RBM17: variants seen among roughly 807,000 people sequenced by gnomAD.
RBM17 encodes the protein RNA binding motif protein 17.
In RBM17, 7 loss-of-function variants were observed where a neutral mutation model predicts 53.2. The ratio of observed to expected loss-of-function variants is 0.13; its 90% CI spans 0.07 to 0.25. The LOEUF is 0.25. Ranked by LOEUF, RBM17 falls within the 10% of genes least tolerant of loss-of-function variation. The pLI, the probability that RBM17 is intolerant of heterozygous loss-of-function variation, is 1.00. For missense variants in RBM17, 257 were observed against 496.7 expected, an observed-to-expected ratio of 0.52 and a Z score of 4.59; for synonymous variants, 167 against 178.1, an observed-to-expected ratio of 0.94 and a Z score of 0.50.
chr10:6,104,333 T>A (rs960351954), intron 3 of RBM17, among the ~76,000 whole-genome samples: 3 of 152,022 alleles, frequency 2.0e-5, no homozygotes, highest in Non-Finnish European at 4.4e-5. Flanking sequence ...TAGTGAACCT[T>A]AAAAAAAATT....
chr10:6,102,158 T>C (rs1840678274), intron 3 of RBM17, among the ~76,000 whole-genome samples: 1 of 152,246 alleles, frequency 6.6e-6, no homozygotes, highest in Non-Finnish European at 1.5e-5. Flanking sequence ...ACTGTGGTCA[T>C]TTAAACAGCA....
At chr10:6,106,797 G>T (rs1840755120) in intron 5 of RBM17, among the ~76,000 whole-genome samples, 1 of 152,090 alleles carries the variant, frequency 6.6e-6, no homozygotes, top group African/African-American at 2.4e-5. Context: ...TTAAACACCA[G>T]CAGGAACTAG....
rs779994101 is a variant in RBM17, at chr10:6,110,056, C to G, written c.633C>G (p.Pro211=). ...AGTCTTCCAAAGCAGCCATTCCTCCCCCAGTGTACGAGGAACAAGACAGAC... is the reference window on the plus strand; with the variant it reads ...AGTCTTCCAAAGCAGCCATTCCTCCGCCAGTGTACGAGGAACAAGACAGAC... The part of the protein sequence containing the change: ...RSQSSKAAIP[P]PVYEEQDRPR... The change falls in exon 7 of 12, where the codon CCC becomes CCG. Residue 211 remains proline, a synonymous_variant. Transcript: ENST00000379888. 2 of 1,613,076 alleles carry G rather than the reference C, an allele frequency of 1.2e-6. No homozygotes were observed. Among genetic ancestry groups the G allele is most frequent in the East Asian group, 4.5e-5 (2 of 44,864 alleles).
At chr10:6,104,857 G>A (rs910185638) in intron 3 of RBM17, 74 bp from the exon 4 acceptor site, 4 of 1,301,742 alleles carry the variant, frequency 3.1e-6, no homozygotes, top group African/African-American at 2.9e-5. Context: ...TCTCCCATAC[G>A]CTTTGACCTG....
At chr10:6,111,370 C>T (rs1164087764) in intron 7 of RBM17, among the ~76,000 whole-genome samples, 2 of 152,230 alleles carry the variant, frequency 1.3e-5, no homozygotes, top group Admixed American at 1.3e-4. Context: ...GATGGAGTCT[C>T]GCTCTGTCGC....
At chr10:6,101,427 G>C in intron 3 of RBM17, 40 bp downstream of exon 3, 1 of 1,333,018 alleles carries the variant, frequency 7.5e-7, no homozygotes, top group South Asian at 1.2e-5. Flanking sequence ...ACGTGTCTCT[G>C]TTCCCATGTG....
In RBM17 at chr10:6,116,192, A is replaced by T. The variant is rs1840913593; in HGVS notation, c.*636A>T. ...AGACTGTAGGGTTTGTGATGGATTT[A>T]TGGAGTATGTGGGTATAGAAATCAT... On this transcript the variant is annotated 3_prime_UTR_variant, in exon 12 of 12. Transcript: ENST00000379888. The T allele has an allele frequency of 6.6e-6, 1 of 152,402 alleles. No individual in the cohort carries two copies. The highest frequency in any genetic ancestry group is 1.5e-5 in the Non-Finnish European group (1 of 68,060). The allele number at this position is 152,402 out of a possible 1,614,324, so 9.4% of individuals were successfully genotyped here.
intron 2 of RBM17, among the ~76,000 whole-genome samples, chr10:6,100,826 A>G (rs1337340772): frequency 6.6e-6 from 1 of 152,236 alleles, no homozygotes; most frequent in Non-Finnish European, 1.5e-5. Flanking sequence ...GTGAAGTGTC[A>G]TGATGTCTCC....
Position 6,089,602 on chromosome 10 carries a change from C to T in RBM17, c.-19+409C>T, listed in dbSNP as rs898287420. The T allele has an allele frequency of 6.6e-6, 1 of 152,628 alleles. No homozygotes were observed. Among genetic ancestry groups the T allele is most frequent in the Non-Finnish European group, 1.5e-5 (1 of 68,256 alleles). 9.5% of individuals were successfully genotyped at this position (152,628 alleles called of 1,614,324 possible). On this transcript the variant is annotated intron_variant, in intron 1 of 11. Transcript: ENST00000379888. This position sits in a 1 kb window ranked among gnomAD's most constrained non-coding sequence, Gnocchi z 5.6. Reference sequence around the variant, plus strand: ...CCTGGCCCTGCACGGTTGCCCCTCTCTGGGGCTCGGAGCCGGTTCCTCCCG... The same window carrying T: ...CCTGGCCCTGCACGGTTGCCCCTCTTTGGGGCTCGGAGCCGGTTCCTCCCG...
intron 2 of RBM17, among the ~76,000 whole-genome samples, chr10:6,100,731 C>G (rs1451745111): frequency 1.3e-5 from 2 of 152,030 alleles, no homozygotes; most frequent in Non-Finnish European, 2.9e-5. Flanking sequence ...TGAATGTGAA[C>G]TGGATGGGAA....
intron 11 of RBM17, 36 bp from the exon 12 acceptor site, chr10:6,115,417 G>C: frequency 6.5e-7 from 1 of 1,537,688 alleles, no homozygotes; most frequent in Non-Finnish European, 9.0e-7. Context: ...TATCTTATAG[G>C]ATACCTGTAT....
chr10:6,105,414 C>T (rs527368940), intron 4 of RBM17, among the ~76,000 whole-genome samples: 1 of 152,224 alleles, frequency 6.6e-6, no homozygotes, highest in South Asian at 2.1e-4. Context: ...TTCAAAAATC[C>T]GAAATCTGAA....
At chr10:6,096,956 T>C in intron 1 of RBM17, 92 bp from the exon 2 acceptor site, 1 of 1,283,362 alleles carries the variant, frequency 7.8e-7, no homozygotes, top group Non-Finnish European at 1.1e-6. Flanking sequence ...GTCCTGGACC[T>C]TTTACCTCTA....
At chr10:6,109,646 G>T (rs918078081) in intron 6 of RBM17, among the ~76,000 whole-genome samples, 1 of 152,142 alleles carries the variant, frequency 6.6e-6, no homozygotes, top group African/African-American at 2.4e-5. Flanking sequence ...GTCAAAAGAT[G>T]GCCAGATTGT....
At chr10:6,105,140 G>C in intron 4 of RBM17, 43 bp downstream of exon 4, 8 of 1,582,462 alleles carry the variant, frequency 5.1e-6, no homozygotes, top group South Asian at 1.2e-5. Context: ...CAGTTGAAAT[G>C]TTCATTAAAA....
intron 9 of RBM17, 173 bp from the exon 10 acceptor site, chr10:6,113,876 T>C (rs762570052): frequency 1.7e-6 from 1 of 599,174 alleles, no homozygotes; most frequent in East Asian, 2.8e-5. Context: ...AGGCTTAATA[T>C]ATGTTTTAGT....
intron 2 of RBM17, among the ~76,000 whole-genome samples, chr10:6,097,425 G>A (rs957633922): frequency 6.6e-6 from 1 of 152,204 alleles, no homozygotes; most frequent in East Asian, 1.9e-4. Context: ...GGGGCTGGGC[G>A]CAGTGGCTCA....
intron 1 of RBM17, 147 bp from the exon 2 acceptor site, chr10:6,096,901 C>G (rs1424127033): frequency 1.2e-5 from 7 of 585,840 alleles, no homozygotes; most frequent in Non-Finnish European, 2.1e-5. Context: ...TCAGGAATAG[C>G]CCTACATTAA....
rs1159996090 is a variant in RBM17, at chr10:6,116,009, A to G, written c.*453A>G. ...TTCATAAATTCTGTAGTAAAGTATC[A>G]TCTTGGCAGTGTGCCAAAGGTGAAA... is the stretch of plus-strand genomic sequence containing the variant. On this transcript the variant is annotated 3_prime_UTR_variant, in exon 12 of 12. Transcript: ENST00000379888. 1 of 152,678 alleles carries G rather than the reference A, an allele frequency of 6.5e-6. No homozygotes were observed. Among genetic ancestry groups the G allele is most frequent in the Non-Finnish European group, 1.5e-5 (1 of 68,286 alleles). The allele number at this position is 152,678 out of a possible 1,614,324, so 9.5% of individuals were successfully genotyped here.
Sources: gnomAD v4.1 joint callset for allele counts (sites outside exome capture counted in the v4.1 genomes callset) on GRCh38, gnomAD v4.1.1 for gene constraint, Gnocchi (gnomAD v3.1) non-coding constraint, MANE v1.5 for transcripts, NCBI Gene and HGNC (gene_info 2026-07-23, HGNC 2026-07-21) for gene names.